The following NPHP3 variants were observed in gnomAD, a reference collection of about 807,000 sequenced individuals.
NPHP3 encodes the protein nephrocystin-3.
In NPHP3, 123 loss-of-function variants were observed where a neutral mutation model predicts 171.9. The ratio of observed to expected loss-of-function variants is 0.72; its 90% CI spans 0.62 to 0.83. The LOEUF (loss-of-function observed/expected upper bound fraction) is 0.83, where lower values mean the gene tolerates loss of function less well. Among genes scored for constraint, NPHP3 ranks in the 40% least tolerant of loss-of-function variants. The pLI, the probability that NPHP3 is intolerant of heterozygous loss-of-function variation, is 0.00. For synonymous variants in NPHP3, 558 were observed against 579.2 expected, an observed-to-expected ratio of 0.96 and a Z score of 0.52; for missense variants, 1,506 against 1,591.9, an observed-to-expected ratio of 0.95 and a Z score of 0.92.
At chr3:132,684,877 A>C in intron 23 of NPHP3, 83 bp from the exon 24 acceptor site, 1 of 1,477,716 alleles carries the variant, frequency 6.8e-7, no homozygotes, top group East Asian at 2.3e-5. Context: ...TGGAGAACTG[A>C]CTCATCTTTA....
At chr3:132,709,229 T>A (rs1326200831) in intron 6 of NPHP3, among the ~76,000 whole-genome samples, 1 of 147,820 alleles carries the variant, frequency 6.8e-6, no homozygotes, top group Non-Finnish European at 1.5e-5. Context: ...GAACTAATAA[T>A]CTGCTGAGGT....
intron 13 of NPHP3, among the ~76,000 whole-genome samples, chr3:132,697,623 T>C (rs890217075): frequency 6.6e-6 from 1 of 152,198 alleles, no homozygotes; most frequent in African/African-American, 2.4e-5. Flanking sequence ...TGGTAAAACA[T>C]TTCTAGTTCT....
chr3:132,719,605 A>G, intron 2 of NPHP3, 100 bp downstream of exon 2: 1 of 784,766 alleles, frequency 1.3e-6, no homozygotes, highest in Non-Finnish European at 1.8e-6. Context: ...ATCCTACATG[A>G]CTTACTTCTA....
At position 132,713,361 on chromosome 3, in the gene NPHP3, T is replaced by C. The variant is rs968391668; in HGVS notation, c.958-75A>G. 2.8e-5 allele frequency: 27 copies of C among 980,674 alleles called. No individual in the cohort carries two copies. The African/African-American group carries it at 4.0e-4, about 15-fold the overall frequency. 60.7% of individuals were successfully genotyped at this position (980,674 alleles called of 1,614,324 possible). A position where few individuals can be genotyped will look rare whatever the true frequency, so the allele number is the denominator to read the frequency against. On this transcript the variant is annotated intron_variant, in intron 5 of 26. Coordinates refer to ENST00000337331, the MANE Select transcript of NPHP3 (RefSeq NM_153240.5). Reference sequence around the variant, plus strand: ...CAAGTGAGATTCATACTACTTAAAATAAAAAGCACGCTTTAAAACAGGTTA... The same window carrying C: ...CAAGTGAGATTCATACTACTTAAAACAAAAAGCACGCTTTAAAACAGGTTA...
chr3:132,703,067 A>G (rs1268499915), intron 9 of NPHP3, among the ~76,000 whole-genome samples: 1 of 152,252 alleles, frequency 6.6e-6, no homozygotes, highest in Non-Finnish European at 1.5e-5. Context: ...TTCTCATAAA[A>G]TAACGACTAA....
chr3:132,719,692 G>A lies in NPHP3; in HGVS notation c.519+13C>T. The A allele has an allele frequency of 7.2e-6, 11 of 1,532,710 alleles. No individual in the cohort carries two copies. Among genetic ancestry groups the A allele is most frequent in the Non-Finnish European group, 6.2e-6 (7 of 1,133,456 alleles). The allele number at this position is 1,532,710 out of a possible 1,614,324, so 94.9% of individuals were successfully genotyped here. A position where few individuals can be genotyped will look rare whatever the true frequency, so the allele number is the denominator to read the frequency against. ...TCTATGTTGCTTTGGGGGTAAAAAT[G>A]TAAGGAATTTACCTTGAATTGCCTT... is the stretch of plus-strand genomic sequence containing the variant. On this transcript the variant is annotated intron_variant, in intron 2 of 26. Coordinates refer to ENST00000337331, the MANE Select transcript of NPHP3 (RefSeq NM_153240.5).
chr3:132,705,404 T>C (rs57663669), intron 8 of NPHP3, among the ~76,000 whole-genome samples: 14,124 of 152,132 alleles, frequency 0.093, 1,101 homozygotes, highest in African/African-American at 0.21. Context: ...TTTCCTAATA[T>C]ATAAAAATTC....
At chr3:132,692,473 C>T (rs1175703077) in intron 17 of NPHP3, among the ~76,000 whole-genome samples, 181 bp downstream of exon 17, 1 of 149,338 alleles carries the variant, frequency 6.7e-6, no homozygotes, top group African/African-American at 2.5e-5. Context: ...TGAGATCTAC[C>T]CTCTTAATAA....
In NPHP3 at chr3:132,713,259, A is replaced by G. The variant is rs766285779; in HGVS notation, c.985T>C (p.Cys329Arg). ...TGGAAAAAATATCCCATTGTCTCGC[A>G]CATTCTCTTAAGTTTAGGTGAATAG... ...KDYSPKLKRMCETMGYFFHAV... is the reference protein window; with the variant it reads ...KDYSPKLKRMRETMGYFFHAV... Residue 329 changes from cysteine (C) to arginine (R), a missense_variant, in exon 6 of 27, where the codon TGC becomes CGC. This residue lies in a region of NPHP3 where 930 missense variants were observed against 924.9 expected (regional missense o/e 1.01). Transcript: ENST00000337331. 1.9e-6 allele frequency: 3 copies of G among 1,604,392 alleles called. No individual in the cohort carries two copies. The highest frequency in any genetic ancestry group is 1.3e-5 in the African/African-American group (1 of 74,804).
rs398124547 is a variant in NPHP3 at position 132,687,229 on chromosome 3, T to TA, written c.3126-4dup. 2.9e-4 allele frequency: 351 copies of TA among 1,216,158 alleles called. No homozygotes were observed. Among genetic ancestry groups the TA allele is most frequent in the South Asian group, 4.2e-4 (34 of 81,688 alleles). 75.3% of individuals were successfully genotyped at this position (1,216,158 alleles called of 1,614,324 possible). ...TAAAATGTTCAGCTTGTTCATATCT[T>TA]AAAAAAAAATTACAGTAAGTCAAAC... On this transcript the variant is annotated splice_region_variant and splice_polypyrimidine_tract_variant and intron_variant, in intron 21 of 26. Transcript: ENST00000337331.
chr3:132,721,236 T>C (rs1940207145), intron 1 of NPHP3, among the ~76,000 whole-genome samples: 1 of 152,192 alleles, frequency 6.6e-6, no homozygotes, highest in Admixed American at 6.5e-5. Context: ...TACTATTTTA[T>C]TGAATTATAA....
chr3:132,684,942 C>T, intron 23 of NPHP3, 148 bp from the exon 24 acceptor site: 1 of 904,086 alleles, frequency 1.1e-6, no homozygotes, highest in Admixed American at 2.1e-5. Flanking sequence ...CTTTCCCCCT[C>T]TTCCCCACCC....
intron 7 of NPHP3, among the ~76,000 whole-genome samples, chr3:132,706,155 C>G (rs779584232): frequency 1.3e-5 from 2 of 151,912 alleles, no homozygotes; most frequent in Non-Finnish European, 2.9e-5. Flanking sequence ...GTCAGGAGAT[C>G]AAGACCATCC....
At position 132,691,857 on chromosome 3, in the gene NPHP3, G is replaced by A. The variant is rs1025566380; in HGVS notation, c.2476-571C>T. 5.9e-5 allele frequency among the ~76,000 whole-genome samples: 9 copies of A among 152,172 alleles called. No individual in the cohort carries two copies. In the South Asian group the frequency reaches 1.2e-3, roughly 21 times the overall value. On this transcript the variant is annotated intron_variant, in intron 17 of 26. Transcript: ENST00000337331. ...TTTCATAAACTGCCAAAGTCCGCCT[G>A]GGGCTTAGATCTTGCCCAAGTTTAG...
At position 132,694,896 on chromosome 3, in the gene NPHP3, T is replaced by A. The variant is rs201741442; in HGVS notation, c.2241A>T (p.Leu747Phe). The A allele has an allele frequency of 9.9e-6, 16 of 1,613,752 alleles. No homozygotes were observed. Among genetic ancestry groups the A allele is most frequent in the Non-Finnish European group, 1.4e-5 (16 of 1,179,798 alleles). ...QCFQCQDTLS[L>F]YRLVLHSIRE... ...GGATAGAGTGCAGAACAAGTCTATATAATGAAAGAGTATCTTGACACTGGA... is the reference window on the plus strand; with the variant it reads ...GGATAGAGTGCAGAACAAGTCTATAAAATGAAAGAGTATCTTGACACTGGA... The change falls in exon 16 of 27, where the codon TTA becomes TTT. Residue 747 changes from leucine (L) to phenylalanine (F), a missense_variant. By Grantham distance (22) the Leu-to-Phe change is conservative. Transcript: ENST00000337331.
Position 132,685,152 on chromosome 3 carries a change from T to C in NPHP3, c.3330-358A>G, listed in dbSNP as rs147716413. The C allele has an allele frequency of 1.8e-4, 44 of 245,992 alleles. 1 individual carries two copies. In the East Asian group the frequency reaches 3.5e-3, roughly 19 times the overall value. 15.2% of individuals were successfully genotyped at this position (245,992 alleles called of 1,614,324 possible). A position where few individuals can be genotyped will look rare whatever the true frequency, so the allele number is the denominator to read the frequency against. ...CTTTGGAGTTAGTACTAAATAATTT[T>C]TATTTCTTTATTTTGTTTTTTTGTA... On this transcript the variant is annotated intron_variant, in intron 23 of 26. Transcript: ENST00000337331.
chr3:132,699,215 T>C, intron 13 of NPHP3, 138 bp downstream of exon 13: 1 of 652,620 alleles, frequency 1.5e-6, no homozygotes, highest in Non-Finnish European at 2.7e-6. Context: ...TTTTTTTTCA[T>C]AAATTCACCC....
At chr3:132,708,010 C>T (rs1384027389) in intron 7 of NPHP3, 91 bp downstream of exon 7, 3 of 1,246,308 alleles carry the variant, frequency 2.4e-6, no homozygotes, top group Non-Finnish European at 3.5e-6. Context: ...CTCCCCTCCC[C>T]AGATATGCCA....
chr3:132,700,120 C>T, intron 11 of NPHP3, 59 bp from the exon 12 acceptor site: 1 of 1,577,914 alleles, frequency 6.3e-7, no homozygotes, highest in Non-Finnish European at 8.7e-7. Flanking sequence ...GAAGTAGTTA[C>T]AGAGCTGGGG....
Sources: allele counts gnomAD v4.1 joint callset (sites outside exome capture counted in the v4.1 genomes callset), GRCh38; gene constraint gnomAD v4.1.1; regional missense constraint gnomAD v4.1.1; transcripts MANE v1.5; gene names NCBI Gene and HGNC (gene_info 2026-07-23, HGNC 2026-07-21).